The following ARHGAP32 variants were observed in gnomAD, a reference collection of about 807,000 sequenced individuals.
ARHGAP32 encodes Rho GTPase activating protein 32.
A neutral mutation model predicts 186.5 loss-of-function variants in ARHGAP32; 51 were observed. The observed-to-expected ratio is 0.27, with a 90% CI of 0.22 to 0.35. The LOEUF is 0.35. Among genes scored for constraint, ARHGAP32 ranks in the 10% least tolerant of loss-of-function variants. ARHGAP32 has a pLI of 1.00. For missense variants in ARHGAP32, 2,186 were observed against 2,623.5 expected (o/e 0.83, Z 3.64); for synonymous variants, 950 against 964.3 (o/e 0.99, Z 0.27).
intron 5 of ARHGAP32, among the ~76,000 whole-genome samples, chr11:129,109,914 G>A (rs184954555): frequency 2.8e-4 from 43 of 152,086 alleles, no homozygotes; most frequent in Admixed American, 8.5e-4. Flanking sequence ...AGACTCTGTC[G>A]ATTGTTTCCT....
At chr11:129,148,235 G>T (rs1229704007) in intron 2 of ARHGAP32, among the ~76,000 whole-genome samples, 1 of 152,166 alleles carries the variant, frequency 6.6e-6, no homozygotes, top group African/African-American at 2.4e-5. Context: ...AAAGATCTTT[G>T]AATGAAGCAG....
intron 1 of ARHGAP32, among the ~76,000 whole-genome samples, chr11:129,190,674 T>G (rs1279478776): frequency 6.6e-6 from 1 of 152,182 alleles, no homozygotes; most frequent in Non-Finnish European, 1.5e-5. Context: ...AACAATGAAA[T>G]AAGTTCCAAG....
intron 11 of ARHGAP32, chr11:129,024,078 A>T (rs771538470): frequency 2.4e-4 from 241 of 985,414 alleles, no homozygotes; most frequent in Non-Finnish European, 2.8e-4. Flanking sequence ...CCCCTGCAGC[A>T]GCAGTTTTCT....
At chr11:129,233,706 T>C (rs1591709480) in intron 1 of ARHGAP32, among the ~76,000 whole-genome samples, 2 of 151,672 alleles carry the variant, frequency 1.3e-5, no homozygotes, top group Admixed American at 1.3e-4. Flanking sequence ...TGAAAATATA[T>C]GTAATAGTTA....
intron 11 of ARHGAP32, among the ~76,000 whole-genome samples, chr11:129,011,718 G>A (rs1238389354): frequency 6.6e-6 from 1 of 151,938 alleles, no homozygotes; most frequent in African/African-American, 2.4e-5. Flanking sequence ...GGAATTGGTT[G>A]AATAAATTAT....
At chr11:129,140,365 G>A (rs953318075) in intron 2 of ARHGAP32, among the ~76,000 whole-genome samples, 5 of 152,162 alleles carry the variant, frequency 3.3e-5, no homozygotes, top group African/African-American at 1.2e-4. Context: ...AGTTAAGCCT[G>A]CCCAGACTTC....
intron 1 of ARHGAP32, among the ~76,000 whole-genome samples, chr11:129,271,827 A>T (rs1002931022): frequency 6.6e-6 from 1 of 152,180 alleles, no homozygotes; most frequent in African/African-American, 2.4e-5. Flanking sequence ...CATTGAACTG[A>T]CCACTAGCTT....
Position 129,079,352 on chromosome 11 carries a change from C to T in ARHGAP32, c.532-12484G>A, listed in dbSNP as rs915978973. On this transcript the variant is annotated intron_variant, in intron 6 of 22. Transcript: ENST00000682385. The stretch of plus-strand genomic sequence containing the variant: ...AACCATAAGAGCTGTGAGGCAAAAG[C>T]ATCAGGTAACCTATAAAGGAAAATC... Among the ~76,000 whole-genome samples the T allele has an allele frequency of 3.3e-5, 5 of 152,264 alleles. No homozygotes were observed. In the East Asian group the frequency reaches 9.6e-4, roughly 29 times the overall value.
chr11:129,108,478 T>C (rs747916708), intron 5 of ARHGAP32, among the ~76,000 whole-genome samples: 1 of 152,038 alleles, frequency 6.6e-6, no homozygotes, highest in African/African-American at 2.4e-5. Context: ...CACCAAAATA[T>C]ATAAAGCAAA....
chr11:129,028,422 C>T (rs1938959324), intron 11 of ARHGAP32, among the ~76,000 whole-genome samples: 1 of 152,150 alleles, frequency 6.6e-6, no homozygotes, highest in East Asian at 1.9e-4. Flanking sequence ...AAAATGGCTG[C>T]AAAGATAAGT....
intron 1 of ARHGAP32, among the ~76,000 whole-genome samples, chr11:129,240,853 G>A (rs1181748413): frequency 1.3e-5 from 2 of 152,172 alleles, no homozygotes; most frequent in African/African-American, 2.4e-5. Flanking sequence ...CTAATTTTAT[G>A]TAAATTTTAA....
intron 5 of ARHGAP32, among the ~76,000 whole-genome samples, chr11:129,112,015 G>A (rs372176927): frequency 3.9e-5 from 6 of 152,048 alleles, no homozygotes; most frequent in Admixed American, 2.0e-4. Context: ...TGCCTGCCTC[G>A]GCCTCCCACC....
In ARHGAP32 at chr11:129,041,914, CTT is replaced by C. The variant is rs1939610143; in HGVS notation, c.964-907_964-906del. Among the ~76,000 whole-genome samples, 4 of 152,322 alleles carry C rather than the reference CTT, an allele frequency of 2.6e-5. No homozygotes were observed. The South Asian group carries it at 8.3e-4, about 32-fold the overall frequency. ...AAGCTGAAATATGAAAGCTCCATCACTTTGTGTATCCCTCTGTTGACAGACTC... is the reference window on the plus strand; with the variant it reads ...AAGCTGAAATATGAAAGCTCCATCACTGTGTATCCCTCTGTTGACAGACTC... On this transcript the variant is annotated intron_variant, in intron 10 of 22. Transcript: ENST00000682385.
chr11:129,139,044 C>T (rs1288055275), intron 2 of ARHGAP32, among the ~76,000 whole-genome samples: 1 of 152,104 alleles, frequency 6.6e-6, no homozygotes, highest in Non-Finnish European at 1.5e-5. Flanking sequence ...TGAGAAATAG[C>T]TTTCCTCTTA....
chr11:129,118,896 T>A (rs936771594), intron 5 of ARHGAP32, among the ~76,000 whole-genome samples: 4 of 152,038 alleles, frequency 2.6e-5, no homozygotes, highest in Admixed American at 6.6e-5. Flanking sequence ...AATTTGTTTT[T>A]AAATATATAT....
chr11:129,041,146 T>C, intron 10 of ARHGAP32, 137 bp from the exon 11 acceptor site: 3 of 514,962 alleles, frequency 5.8e-6, no homozygotes, highest in Admixed American at 6.9e-5. Context: ...AAATAACAGA[T>C]GATGCCAATT....
intron 1 of ARHGAP32, among the ~76,000 whole-genome samples, chr11:129,166,040 T>C (rs1479794987): frequency 6.6e-6 from 1 of 152,056 alleles, no homozygotes; most frequent in African/African-American, 2.4e-5. Flanking sequence ...CAACAGAGAA[T>C]TGGAAGCCAT....
chr11:129,279,172 C>G (rs1326890429), exon 1 of ARHGAP32: 1 of 145,642 alleles, frequency 6.9e-6, no homozygotes, highest in Non-Finnish European at 1.5e-5. Context: ...GCCGCGCCGC[C>G]GCGGCGTCCC....
intron 20 of ARHGAP32, among the ~76,000 whole-genome samples, chr11:128,975,607 A>G (rs1296275259): frequency 1.3e-5 from 2 of 152,170 alleles, no homozygotes; most frequent in African/African-American, 4.8e-5. Context: ...TTTCCCAAGC[A>G]GTCTTCAAGA....
Sources: allele counts gnomAD v4.1 joint callset (sites outside exome capture counted in the v4.1 genomes callset), GRCh38; gene constraint gnomAD v4.1.1; transcripts MANE v1.5; gene names NCBI Gene and HGNC (gene_info 2026-07-23, HGNC 2026-07-21).